CFAP58: variants seen among roughly 807,000 people sequenced by gnomAD.
CFAP58 encodes the protein cilia and flagella associated protein 58.
A neutral mutation model predicts 119.5 loss-of-function variants in CFAP58; 88 were observed. The ratio of observed to expected loss-of-function variants is 0.74; its 90% CI spans 0.62 to 0.88. CFAP58 has a LOEUF of 0.88. Ranked by LOEUF, CFAP58 falls within the 40% of genes least tolerant of loss-of-function variation. The probability of loss-of-function intolerance (pLI) is 0.00; values close to 1 mark genes in which losing one functional copy is unlikely to be tolerated. For missense variants in CFAP58, 990 were observed against 1,021.2 expected (o/e 0.97, Z 0.42); for synonymous variants, 365 against 366.3 (o/e 1.00, Z 0.04).
intron 14 of CFAP58, among the ~76,000 whole-genome samples, chr10:104,405,397 A>G (rs1254759745): frequency 6.6e-6 from 1 of 152,234 alleles, no homozygotes; most frequent in Admixed American, 6.5e-5. Flanking sequence ...ACATTAGTTT[A>G]TTCCATGTGT....
intron 13 of CFAP58, among the ~76,000 whole-genome samples, chr10:104,401,122 G>T (rs1006531407): frequency 1.3e-5 from 2 of 152,152 alleles, no homozygotes; most frequent in Admixed American, 6.5e-5. Context: ...TTCCTTTCGG[G>T]GGGGTAAGGG....
Position 104,353,839 on chromosome 10 carries a change from C to G in CFAP58, c.-59C>G. The G allele has an allele frequency of 6.3e-7, 1 of 1,586,084 alleles. No homozygotes were observed. The highest frequency in any genetic ancestry group is 2.3e-5 in the East Asian group (1 of 44,242). ...CGCCTTTAGCTTCTTTCCCAGACTC[C>G]GGCCCAGCTCCTGCGATCTCCACAG... On this transcript the variant is annotated 5_prime_UTR_variant, in exon 1 of 18. Transcript: ENST00000369704.
chr10:104,411,851 T>C (rs557508267), intron 15 of CFAP58, among the ~76,000 whole-genome samples: 116 of 152,222 alleles, frequency 7.6e-4, no homozygotes, highest in African/African-American at 2.7e-3. Flanking sequence ...CTATTGTATC[T>C]TTTTGCCAAG....
At chr10:104,439,585 T>G (rs1345911064) in intron 15 of CFAP58, among the ~76,000 whole-genome samples, 1 of 152,086 alleles carries the variant, frequency 6.6e-6, no homozygotes, top group African/African-American at 2.4e-5. Flanking sequence ...AGCATTTTAT[T>G]TCATTTCATT....
At chr10:104,373,863 C>A (rs1268436251) in intron 7 of CFAP58, among the ~76,000 whole-genome samples, 3 of 152,030 alleles carry the variant, frequency 2.0e-5, no homozygotes, top group African/African-American at 7.2e-5. Flanking sequence ...TGATGATGTC[C>A]AGATAAACAG....
chr10:104,394,282 TA>T (rs1378500278), intron 11 of CFAP58, among the ~76,000 whole-genome samples: 1 of 152,166 alleles, frequency 6.6e-6, no homozygotes, highest in African/African-American at 2.4e-5. Context: ...GACCAAGGAT[TA>T]AAAAAGGAAC....
In CFAP58 at chr10:104,392,260, G is replaced by A. The variant is rs2012061519; in HGVS notation, c.1393G>A (p.Val465Ile). Residue 465 changes from valine (V) to isoleucine (I), a missense_variant, in exon 10 of 18, where the codon GTT (valine) becomes ATT (isoleucine). Transcript: ENST00000369704. ...KVLMNMEDIK[V>I]RETQIFDYRK... ...CCTTATGAACATGGAAGACATAAAAGTTCGTGAAACACAGATTTTTGACTA... is the reference window on the plus strand; with the variant it reads ...CCTTATGAACATGGAAGACATAAAAATTCGTGAAACACAGATTTTTGACTA... The A allele has an allele frequency of 1.9e-6, 3 of 1,611,610 alleles. No homozygotes were observed. Among genetic ancestry groups the A allele is most frequent in the South Asian group, 2.2e-5 (2 of 90,528 alleles).
At chr10:104,352,148 A>T (rs1038889614), upstream of CFAP58, among the ~76,000 whole-genome samples, 1 of 152,222 alleles carries the variant, frequency 6.6e-6, no homozygotes, top group Non-Finnish European at 1.5e-5. Context: ...AGATGAGTCA[A>T]TATTTGCAAA....
At position 104,400,790 on chromosome 10, in the gene CFAP58, G is replaced by A; in HGVS notation, c.1926G>A (p.Glu642=). The A allele has an allele frequency of 6.2e-7, 1 of 1,614,132 alleles. No individual in the cohort carries two copies. Among genetic ancestry groups the A allele is most frequent in the Non-Finnish European group, 8.5e-7 (1 of 1,180,008 alleles). Residue 642 remains glutamate, a synonymous_variant, in exon 13 of 18, where the codon GAG becomes GAA. Transcript: ENST00000369704. ...AACAGTCTGTGCTGAATAAAGGGGAGAGCCAGTACAACCAGAGGTTGGAGG... is the reference window on the plus strand; with the variant it reads ...AACAGTCTGTGCTGAATAAAGGGGAAAGCCAGTACAACCAGAGGTTGGAGG... ...KIQQSVLNKG[E]SQYNQRLEDM...
Position 104,447,787 on chromosome 10 carries a change from C to T in CFAP58, c.2346C>T (p.Arg782=). The change falls in exon 16 of 18, where the codon CGC becomes CGT. Residue 782 remains arginine, a synonymous_variant. Coordinates refer to ENST00000369704, the MANE Select transcript of CFAP58 (RefSeq NM_001008723.2). ...CGGAACAGCTGAAGCTGTACCGACG[C>T]ACGCTGCATGACAAGAAGCAGCAGC... The part of the protein sequence containing the change: ...EAAEQLKLYR[R]TLHDKKQQLK... 1.2e-6 allele frequency: 2 copies of T among 1,614,010 alleles called. No homozygotes were observed.
At chr10:104,345,771 T>G in the CFAP58 span, among the ~76,000 whole-genome samples, 4 of 152,000 alleles carry the variant, frequency 2.6e-5, no homozygotes, top group Non-Finnish European at 1.5e-5. Context: ...ACTGGACAAA[T>G]AAGGAGTCAT....
At chr10:104,349,870 G>C (rs1046387682), upstream of CFAP58, among the ~76,000 whole-genome samples, 1 of 152,198 alleles carries the variant, frequency 6.6e-6, no homozygotes, top group Non-Finnish European at 1.5e-5. Context: ...GAAAGAGAGA[G>C]AGTCAAGTAT....
intron 15 of CFAP58, among the ~76,000 whole-genome samples, chr10:104,413,146 T>C (rs961694034): frequency 1.3e-5 from 2 of 152,224 alleles, no homozygotes; most frequent in African/African-American, 2.4e-5. Flanking sequence ...GGTTGAAAGA[T>C]TTGTGGTCCT....
intron 17 of CFAP58, among the ~76,000 whole-genome samples, chr10:104,452,548 C>CAA (rs2013212993): frequency 6.6e-6 from 1 of 152,192 alleles, no homozygotes; most frequent in Non-Finnish European, 1.5e-5. Context: ...GTTTGATGGA[C>CAA]ACAGAGAGCA....
rs2013190527 is a variant in CFAP58 at position 104,451,198 on chromosome 10, G to T, written c.2510+994G>T. ...TTCATGCTTGGTACTTATCCACATG[G>T]ACATTTCAGGGACATGGTGAAATAT... On this transcript the variant is annotated intron_variant, in intron 17 of 17. Coordinates refer to ENST00000369704, the MANE Select transcript of CFAP58 (RefSeq NM_001008723.2). Among the ~76,000 whole-genome samples the T allele has an allele frequency of 3.9e-5, 6 of 152,178 alleles. No individual in the cohort carries two copies. The South Asian group carries it at 1.0e-3, about 26-fold the overall frequency.
chr10:104,355,031 C>T (rs1006237424), intron 1 of CFAP58, among the ~76,000 whole-genome samples: 5 of 152,182 alleles, frequency 3.3e-5, no homozygotes, highest in Non-Finnish European at 5.9e-5. Context: ...TCCTTCCTTT[C>T]CTTATCATAC....
intron 15 of CFAP58, among the ~76,000 whole-genome samples, chr10:104,447,422 C>G (rs2013126864): frequency 6.6e-6 from 1 of 152,164 alleles, no homozygotes; most frequent in Non-Finnish European, 1.5e-5. Context: ...TGTATCCTGC[C>G]CTTGTCTCCC....
At chr10:104,432,609 TCTC>T (rs1471837040) in intron 15 of CFAP58, among the ~76,000 whole-genome samples, 5 of 152,070 alleles carry the variant, frequency 3.3e-5, no homozygotes, top group Non-Finnish European at 5.9e-5. Flanking sequence ...TTCAAACAAT[TCTC>T]CTGCCTCAGC....
At chr10:104,392,455 T>A in intron 10 of CFAP58, 61 bp downstream of exon 10, 1 of 1,238,666 alleles carries the variant, frequency 8.1e-7, no homozygotes. Flanking sequence ...TTAAAACAGT[T>A]TCTGTTATCC....
Sources: gnomAD v4.1 joint callset for allele counts (sites outside exome capture counted in the v4.1 genomes callset) on GRCh38, gnomAD v4.1.1 for gene constraint, MANE v1.5 for transcripts, NCBI Gene and HGNC (gene_info 2026-07-23, HGNC 2026-07-21) for gene names.